BAZ2B: variants seen among roughly 807,000 people sequenced by gnomAD.
BAZ2B encodes bromodomain adjacent to zinc finger domain protein 2B.
In BAZ2B, 91 loss-of-function variants were observed where a neutral mutation model predicts 246.0. The ratio of observed to expected loss-of-function variants is 0.37; its 90% confidence interval spans 0.31 to 0.44. The LOEUF is 0.44. BAZ2B is among the 20% of genes least tolerant of loss of function. BAZ2B has a pLI of 1.00. For missense variants in BAZ2B, 2,332 were observed against 2,533.7 expected, an observed-to-expected ratio of 0.92 and a Z score of 1.71; for synonymous variants, 855 against 860.0, an observed-to-expected ratio of 0.99 and a Z score of 0.10.
chr2:159,321,347 G>T (rs373153508), intron 36 of BAZ2B, among the ~76,000 whole-genome samples: 1 of 152,042 alleles, frequency 6.6e-6, no homozygotes, highest in Non-Finnish European at 1.5e-5. Flanking sequence ...CAGTTTGTAG[G>T]TTCCTCAAAA....
intron 25 of BAZ2B, among the ~76,000 whole-genome samples, chr2:159,380,653 T>C (rs2061893283): frequency 6.6e-6 from 1 of 152,144 alleles, no homozygotes; most frequent in Admixed American, 6.6e-5. Context: ...GCGCTAACAA[T>C]GTGGATTATG....
In BAZ2B at chr2:159,412,364, G is replaced by C; in HGVS notation, c.2648C>G (p.Ala883Gly). Residue 883 changes from alanine to glycine, a missense_variant, in exon 14 of 37, where the codon GCA (alanine) becomes GGA (glycine). Coordinates refer to ENST00000392783, the MANE Select transcript of BAZ2B (RefSeq NM_013450.4). Reference protein sequence around the residue: ...GNAEFLDNADAKLLRKLQAQE... With the variant: ...GNAEFLDNADGKLLRKLQAQE... ...AGCTTGCAGTTTTCTTAGCAACTTT[G>C]CATCTGCGTTATCTAGGAATTCAGC... 6.2e-7 allele frequency: 1 copy of C among 1,614,076 alleles called. No individual in the cohort carries two copies. The highest frequency in any genetic ancestry group is 8.5e-7 in the Non-Finnish European group (1 of 1,179,998).
At chr2:159,476,064 G>A (rs1291551967) in intron 3 of BAZ2B, among the ~76,000 whole-genome samples, 1 of 152,100 alleles carries the variant, frequency 6.6e-6, no homozygotes, top group African/African-American at 2.4e-5. Context: ...CAAAGCTCGA[G>A]TGCTGTGCTG....
chr2:159,652,554 G>A, the BAZ2B span, among the ~76,000 whole-genome samples: 1 of 151,864 alleles, frequency 6.6e-6, no homozygotes, highest in Non-Finnish European at 1.5e-5. Context: ...GGCACAAAGT[G>A]GCATCTCATT....
At chr2:159,572,157 C>T (rs954383987) in intron 1 of BAZ2B, among the ~76,000 whole-genome samples, 1 of 152,166 alleles carries the variant, frequency 6.6e-6, no homozygotes, top group Non-Finnish European at 1.5e-5. Flanking sequence ...GGGACAGAGA[C>T]TCCTATGCTC....
chr2:159,574,929 C>G (rs1684938381), intron 1 of BAZ2B, among the ~76,000 whole-genome samples: 1 of 151,536 alleles, frequency 6.6e-6, no homozygotes, highest in South Asian at 2.1e-4. Flanking sequence ...AAGATCCTAC[C>G]ACTGCATTCC....
At chr2:159,366,680 T>C (rs2060251252) in intron 27 of BAZ2B, among the ~76,000 whole-genome samples, 1 of 152,236 alleles carries the variant, frequency 6.6e-6, no homozygotes, top group Non-Finnish European at 1.5e-5. Flanking sequence ...ATTGCTTCCT[T>C]GACATGAGTA....
the BAZ2B span, among the ~76,000 whole-genome samples, chr2:159,667,637 TAAATA>T: frequency 1.7e-4 from 23 of 136,634 alleles, no homozygotes; most frequent in African/African-American, 5.5e-4. Flanking sequence ...AATAAATAAA[TAAATA>T]AAAGACTCTC....
At chr2:159,412,797 T>C (rs3755434) in intron 13 of BAZ2B, among the ~76,000 whole-genome samples, 108,331 of 152,042 alleles carry the variant, frequency 0.71, 40,354 homozygotes, top group Non-Finnish European at 0.84. Flanking sequence ...TATCTATAAA[T>C]GTAGAGATAT....
intron 13 of BAZ2B, among the ~76,000 whole-genome samples, chr2:159,425,739 A>C (rs2069713933): frequency 6.6e-6 from 1 of 152,222 alleles, no homozygotes; most frequent in South Asian, 2.1e-4. Flanking sequence ...GTGTCACACT[A>C]TATTTTACAT....
intron 2 of BAZ2B, among the ~76,000 whole-genome samples, chr2:159,483,315 A>G (rs2079450462): frequency 6.6e-6 from 1 of 151,928 alleles, no homozygotes. Flanking sequence ...CTCCCACCTC[A>G]GCCTCCCAAA....
rs1368491154 is a variant in BAZ2B, at chr2:159,319,878, GT to G, written c.*386del. The G allele has an allele frequency of 6.5e-6, 1 of 153,516 alleles. No individual in the cohort carries two copies. The highest frequency in any genetic ancestry group is 1.9e-4 in the East Asian group (1 of 5,220). The allele number at this position is 153,516 out of a possible 1,614,324, so 9.5% of individuals were successfully genotyped here. On this transcript the variant is annotated 3_prime_UTR_variant, in exon 37 of 37. Coordinates refer to ENST00000392783, the MANE Select transcript of BAZ2B (RefSeq NM_013450.4). The surrounding 1 kb of genome is among the most constrained non-coding windows in gnomAD (Gnocchi z 4.0). ...CATTCACTAAAAAATAAACTACAAA[GT>G]AAAAAAATGAAAAATAGATATTTAT...
chr2:159,639,430 G>A, the BAZ2B span, among the ~76,000 whole-genome samples: 6 of 152,182 alleles, frequency 3.9e-5, no homozygotes, highest in East Asian at 1.9e-4. Flanking sequence ...TTACTCTTAA[G>A]TAGAAAGAAT....
At chr2:159,627,020 T>C in the BAZ2B span, among the ~76,000 whole-genome samples, 1 of 152,082 alleles carries the variant, frequency 6.6e-6, no homozygotes, top group Non-Finnish European at 1.5e-5. Flanking sequence ...CAAACTACCA[T>C]CAGAGAACAC....
intron 27 of BAZ2B, among the ~76,000 whole-genome samples, chr2:159,352,433 G>A (rs577864825): frequency 1.3e-5 from 2 of 150,546 alleles, no homozygotes; most frequent in East Asian, 3.9e-4. Context: ...TCCCTCCCAC[G>A]TACTAGAATT....
intron 2 of BAZ2B, among the ~76,000 whole-genome samples, chr2:159,507,702 A>G (rs548677734): frequency 6.6e-6 from 1 of 152,306 alleles, no homozygotes; most frequent in South Asian, 2.1e-4. Flanking sequence ...TAACCAAAAA[A>G]CTTTAAAATA....
chr2:159,468,910 G>T (rs1379630875), intron 3 of BAZ2B, among the ~76,000 whole-genome samples: 1 of 151,986 alleles, frequency 6.6e-6, no homozygotes, highest in East Asian at 1.9e-4. Context: ...AATTAGCTAG[G>T]TGTGGTGGTG....
At chr2:159,646,947 A>T in the BAZ2B span, among the ~76,000 whole-genome samples, 124 of 152,290 alleles carry the variant, frequency 8.1e-4, no homozygotes, top group Middle Eastern at 0.044. Context: ...GTGTTCTCTT[A>T]AAGATAGATG....
chr2:159,525,274 T>C (rs2084609060), intron 2 of BAZ2B, among the ~76,000 whole-genome samples: 1 of 152,180 alleles, frequency 6.6e-6, no homozygotes, highest in Non-Finnish European at 1.5e-5. Context: ...GCACTGGATA[T>C]ATTCTGAGAA....
Sources: gnomAD v4.1 joint callset for allele counts (sites outside exome capture counted in the v4.1 genomes callset) on GRCh38, gnomAD v4.1.1 for gene constraint, Gnocchi (gnomAD v3.1) non-coding constraint, MANE v1.5 for transcripts, NCBI Gene and HGNC (gene_info 2026-07-23, HGNC 2026-07-21) for gene names.